Variants in CDRT4 observed in about 807,000 individuals in gnomAD.
CDRT4 encodes CMT1A duplicated region transcript 4 protein.
For synonymous variants in CDRT4, 64 were observed against 69.6 expected, an observed-to-expected ratio of 0.92 and a Z score of 0.40; for missense variants, 167 against 193.1, an observed-to-expected ratio of 0.87 and a Z score of 0.80.
At chr17:15,447,639 A>G (rs1428575335) in intron 2 of CDRT4, among the ~76,000 whole-genome samples, 2 of 152,234 alleles carry the variant, frequency 1.3e-5, no homozygotes, top group Non-Finnish European at 2.9e-5. Context: ...ATATTTATCC[A>G]AGGAATATTC....
intron 1 of CDRT4, among the ~76,000 whole-genome samples, chr17:15,459,804 C>T (rs929431023): frequency 6.6e-6 from 1 of 152,134 alleles, no homozygotes. Context: ...TCCATTCATT[C>T]ACTCAGCAGA....
At position 15,444,714 on chromosome 17, in the gene CDRT4, C is replaced by CAGAG. The variant is rs59581257; in HGVS notation, c.-47-4433_-47-4430dup. 8.5e-3 allele frequency among the ~76,000 whole-genome samples: 1,160 copies of CAGAG among 135,912 alleles called. 7 individuals carry two copies. Among genetic ancestry groups the CAGAG allele is most frequent in the East Asian group, 0.019 (81 of 4,316 alleles). 89.2% of individuals were successfully genotyped at this position (135,912 alleles called of 152,430 possible). On this transcript the variant is annotated intron_variant, in intron 2 of 3. Coordinates refer to ENST00000619038, the MANE Select transcript of CDRT4 (RefSeq NM_001204477.2). ...TAAAAATATAAAAATTAGCCAAGCG[C>CAGAG]AGAGAGAGAGAGAGAGAGAGAGAGA...
rs61740778 is a variant in CDRT4, at chr17:15,440,261, T to A, written c.-23A>T. The A allele has an allele frequency of 3.4e-4, 550 of 1,613,028 alleles. 3 individuals are homozygous for A. In the African/African-American group the frequency reaches 6.4e-3, roughly 19 times the overall value. On this transcript the variant is annotated 5_prime_UTR_variant, in exon 3 of 4. Coordinates refer to ENST00000619038, the MANE Select transcript of CDRT4 (RefSeq NM_001204477.2). ...CATCTTCTTTTTAATATTTACTGAT[T>A]TCTTAACATCACAGGTTCAGATTCC...
Position 15,464,258 on chromosome 17 carries a change from G to A in CDRT4, c.-130+3202C>T, listed in dbSNP as rs913502023. Among the ~76,000 whole-genome samples the A allele has an allele frequency of 6.6e-6, 1 of 152,150 alleles. No individual in the cohort carries two copies. The highest frequency in any genetic ancestry group is 2.1e-4 in the South Asian group (1 of 4,822). On this transcript the variant is annotated intron_variant, in intron 1 of 3. Transcript: ENST00000619038. The surrounding 1 kb of genome is among the most constrained non-coding windows in gnomAD (Gnocchi z 4.5). ...GTAGATGTGGAGACCCCTACGCCAG[G>A]CAAGCCTTCAGGTTTGAGAGCTGAT...
intron 2 of CDRT4, among the ~76,000 whole-genome samples, chr17:15,442,341 C>T (rs570601631): frequency 3.3e-5 from 5 of 149,968 alleles, no homozygotes; most frequent in African/African-American, 7.4e-5. Context: ...ACCCAGGAGG[C>T]GGAGGTTGCA....
chr17:15,437,973 T>TG lies in CDRT4; in HGVS notation c.258dup (p.Lys87GlnfsTer45). On this transcript the variant is annotated frameshift_variant, in exon 4 of 4. Transcript: ENST00000619038. LOFTEE classifies it low-confidence loss of function (END_TRUNC). ...GACAGCGTGTCCCTGAACACAGCTT[T>TG]GCCAGAAGACTTGGAAGACTTCCTC... The TG allele has an allele frequency of 3.1e-6, 5 of 1,614,194 alleles. No homozygotes were observed. In the South Asian group the frequency reaches 4.4e-5, roughly 14 times the overall value.
intron 1 of CDRT4, among the ~76,000 whole-genome samples, chr17:15,459,340 T>C (rs1979633492): frequency 6.6e-6 from 1 of 152,116 alleles, no homozygotes; most frequent in African/African-American, 2.4e-5. Flanking sequence ...ATTTGCACTG[T>C]TGTCTTCAGG....
intron 1 of CDRT4, among the ~76,000 whole-genome samples, chr17:15,465,478 A>G (rs1440654187): frequency 1.3e-5 from 2 of 150,834 alleles, no homozygotes; most frequent in Non-Finnish European, 3.0e-5. Flanking sequence ...GGAGATACAC[A>G]TCAACACCAG....
intron 3 of CDRT4, among the ~76,000 whole-genome samples, chr17:15,438,735 G>T (rs2150783778): frequency 6.6e-6 from 1 of 152,276 alleles, no homozygotes; most frequent in Middle Eastern, 3.4e-3. Context: ...CTTTCTTGTG[G>T]ATTAAAGATA....
chr17:15,445,848 T>C (rs1979000110), intron 2 of CDRT4, among the ~76,000 whole-genome samples: 1 of 152,186 alleles, frequency 6.6e-6, no homozygotes, highest in Non-Finnish European at 1.5e-5. Flanking sequence ...TCCTGAGCCA[T>C]CCCTAAGTGT....
In CDRT4 at chr17:15,437,719, G is replaced by A. The variant is rs1273975862; in HGVS notation, c.*54C>T. 1.2e-5 allele frequency: 18 copies of A among 1,555,522 alleles called. No individual in the cohort carries two copies. The highest frequency in any genetic ancestry group is 1.7e-4 in the Middle Eastern group (1 of 5,880). ...GGAGCTTAACTTTTGTACGTTCTTG[G>A]GGAATGGCTGCAGGGACCCCTGGCT... is the stretch of plus-strand genomic sequence containing the variant. On this transcript the variant is annotated 3_prime_UTR_variant, in exon 4 of 4. Coordinates refer to ENST00000619038, the MANE Select transcript of CDRT4 (RefSeq NM_001204477.2).
intron 1 of CDRT4, among the ~76,000 whole-genome samples, chr17:15,455,418 T>C (rs1305927226): frequency 1.3e-5 from 2 of 152,230 alleles, no homozygotes; most frequent in African/African-American, 4.8e-5. Context: ...ATAAGGCCTA[T>C]CCTAGGCAGG....
intron 2 of CDRT4, among the ~76,000 whole-genome samples, chr17:15,451,980 T>C (rs1237795308): frequency 1.3e-5 from 2 of 152,194 alleles, no homozygotes; most frequent in Non-Finnish European, 2.9e-5. Flanking sequence ...GTTACTGCAA[T>C]TGCCATAAGC....
intron 1 of CDRT4, among the ~76,000 whole-genome samples, chr17:15,453,553 A>G (rs147548008): frequency 6.6e-6 from 1 of 152,306 alleles, no homozygotes; most frequent in East Asian, 1.9e-4. Flanking sequence ...TCCCCAACAA[A>G]GGCCTGGCCT....
At chr17:15,443,630 G>T in intron 2 of CDRT4, 1 of 336,084 alleles carries the variant, frequency 3.0e-6, no homozygotes, top group South Asian at 2.5e-5. Flanking sequence ...TGCCATGTCT[G>T]CTGCGAGAAT....
intron 2 of CDRT4, among the ~76,000 whole-genome samples, chr17:15,446,144 C>A (rs143057529): frequency 1.2e-4 from 18 of 152,218 alleles, no homozygotes; most frequent in African/African-American, 4.3e-4. Flanking sequence ...GATCTCCACC[C>A]GAATGGGCCG....
intron 2 of CDRT4, chr17:15,452,394 T>C (rs1979302684): frequency 6.6e-6 from 1 of 152,208 alleles, no homozygotes; most frequent in Non-Finnish European, 1.5e-5. Context: ...GATTCACACT[T>C]TGTTGAAAGA....
chr17:15,448,337 A>C (rs996857302), intron 2 of CDRT4, among the ~76,000 whole-genome samples: 4 of 152,214 alleles, frequency 2.6e-5, no homozygotes, highest in African/African-American at 9.6e-5. Flanking sequence ...TAACCCTTCC[A>C]GGAAGGGAAT....
intron 1 of CDRT4, among the ~76,000 whole-genome samples, chr17:15,463,719 A>T (rs909395618): frequency 1.3e-5 from 2 of 152,142 alleles, no homozygotes; most frequent in African/African-American, 4.8e-5. Flanking sequence ...GCCAGAGGCT[A>T]TGCTAGCTGA....
Sources: allele counts gnomAD v4.1 joint callset (sites outside exome capture counted in the v4.1 genomes callset), GRCh38; gene constraint gnomAD v4.1.1; non-coding constraint Gnocchi (gnomAD v3.1); transcripts MANE v1.5; gene names NCBI Gene and HGNC (gene_info 2026-07-23, HGNC 2026-07-21).